The following AHR variants were observed in gnomAD, a reference collection of about 807,000 sequenced individuals.
AHR encodes the protein AH-receptor.
In AHR, 40 loss-of-function variants were observed where a neutral mutation model predicts 86.8. That is an observed-to-expected ratio of 0.46 (90% CI 0.36 to 0.60). AHR has a LOEUF of 0.60. Ranked by LOEUF, AHR falls within the 20% of genes least tolerant of loss-of-function variation. The probability of loss-of-function intolerance (pLI) is 0.00; values close to 1 mark genes in which losing one functional copy is unlikely to be tolerated. For missense variants in AHR, 1,001 were observed against 1,011.6 expected (o/e 0.99, Z 0.14); for synonymous variants, 398 against 354.9 (o/e 1.12, Z -1.37).
intron 2 of AHR, among the ~76,000 whole-genome samples, chr7:17,313,365 A>G (rs1584032298): frequency 1.3e-5 from 2 of 152,198 alleles, no homozygotes; most frequent in South Asian, 4.1e-4. Flanking sequence ...GGGAAGCTCA[A>G]AGTGAATAAC....
intron 1 of AHR, among the ~76,000 whole-genome samples, chr7:17,301,842 A>G: frequency 6.6e-6 from 1 of 151,972 alleles, no homozygotes; most frequent in East Asian, 1.9e-4. Flanking sequence ...CTCTGAAGCA[A>G]CTTTACGTCC....
rs1390838007 is a variant in AHR, at chr7:17,339,242, T to C, written c.1417T>C (p.Ser473Pro). ...QDESIYLYPASSTSSTAPFEN... is the reference protein window; with the variant it reads ...QDESIYLYPAPSTSSTAPFEN... The stretch of plus-strand genomic sequence containing the variant: ...TGAGTCTATTTATCTCTATCCTGCT[T>C]CAAGTACTTCAAGTACTGCACCTTT... Residue 473 changes from serine to proline, a missense_variant, in exon 10 of 11, where the codon TCA becomes CCA. Physicochemically the swap from Ser to Pro is moderately conservative, Grantham distance 74. This residue lies in a region of AHR where 607 missense variants were observed against 543.1 expected (regional missense o/e 1.12). Coordinates refer to ENST00000242057, the MANE Select transcript of AHR (RefSeq NM_001621.5). The C allele has an allele frequency of 6.2e-7, 1 of 1,614,186 alleles. No homozygotes were observed. Among genetic ancestry groups the C allele is most frequent in the Non-Finnish European group, 8.5e-7 (1 of 1,180,018 alleles).
intron 2 of AHR, among the ~76,000 whole-genome samples, chr7:17,310,536 C>CTT (rs1231748729): frequency 2.1e-5 from 3 of 141,198 alleles, no homozygotes; most frequent in Admixed American, 7.1e-5. Context: ...TATTTCTAAT[C>CTT]TTTTTTTTTT....
chr7:17,335,342 G>C (rs1044343096), intron 8 of AHR, among the ~76,000 whole-genome samples: 1 of 151,968 alleles, frequency 6.6e-6, no homozygotes, highest in African/African-American at 2.4e-5. Context: ...GTATTAGGCT[G>C]TAGGAAAATA....
At chr7:17,301,325 A>G (rs764667857) in intron 1 of AHR, among the ~76,000 whole-genome samples, 9 of 152,070 alleles carry the variant, frequency 5.9e-5, no homozygotes, top group Non-Finnish European at 1.2e-4. Flanking sequence ...AGTTTATTTT[A>G]GAAATGAAGT....
At chr7:17,323,321 A>G (rs1782193872) in intron 3 of AHR, among the ~76,000 whole-genome samples, 3 of 152,116 alleles carry the variant, frequency 2.0e-5, no homozygotes, top group African/African-American at 4.8e-5. Context: ...TTTTGCCAAT[A>G]TGTTATAACT....
intron 1 of AHR, among the ~76,000 whole-genome samples, chr7:17,307,824 A>G (rs572671672): frequency 1.5e-4 from 23 of 152,094 alleles, no homozygotes; most frequent in Non-Finnish European, 2.5e-4. Flanking sequence ...ATCTCAGCTC[A>G]ACACTTAAGA....
In AHR at chr7:17,343,239, A is replaced by G. The variant is rs900786456; in HGVS notation, c.*175A>G. 1.4e-6 allele frequency: 1 copy of G among 739,366 alleles called. No individual in the cohort carries two copies. The highest frequency in any genetic ancestry group is 1.8e-5 in the African/African-American group (1 of 56,230). 45.8% of individuals were successfully genotyped at this position (739,366 alleles called of 1,614,324 possible). On this transcript the variant is annotated 3_prime_UTR_variant, in exon 11 of 11. Coordinates refer to ENST00000242057, the MANE Select transcript of AHR (RefSeq NM_001621.5). ...TTTGCTTTTAGAAAAGGGAGTTTAA[A>G]AATGGTATCAAAATTACATATACTA...
chr7:17,325,206 A>G (rs997088012), intron 3 of AHR, among the ~76,000 whole-genome samples: 4 of 152,196 alleles, frequency 2.6e-5, no homozygotes, highest in African/African-American at 9.7e-5. Context: ...GGTACTTGAG[A>G]TCATTTGAGA....
In AHR at chr7:17,341,285, C is replaced by G. The variant is rs181769295; in HGVS notation, c.2403+1057C>G. Among the ~76,000 whole-genome samples, 3 of 152,174 alleles carry G rather than the reference C, an allele frequency of 2.0e-5. No homozygotes were observed. The East Asian group carries it at 5.8e-4, about 29-fold the overall frequency. On this transcript the variant is annotated intron_variant, in intron 10 of 10. Transcript: ENST00000242057. Reference sequence around the variant, plus strand: ...ATAGAAAAGGACAGTGAAAATTTTTCTTATTCCTTACATCCTTCAATTATA... The same window carrying G: ...ATAGAAAAGGACAGTGAAAATTTTTGTTATTCCTTACATCCTTCAATTATA...
chr7:17,330,035 A>G lies in AHR; in HGVS notation c.534A>G (p.Leu178=). 1 of 1,611,472 alleles carries G rather than the reference A, an allele frequency of 6.2e-7. No individual in the cohort carries two copies. Among genetic ancestry groups the G allele is most frequent in the Non-Finnish European group, 8.5e-7 (1 of 1,178,066 alleles). ...AEFQRQLHWA[L]NPSQCTESGQ... is the part of the protein sequence containing the mutation. ...TTCAGCGTCAGCTACACTGGGCATTAAATCCTTCTCAGTGTACAGAGTCTG... is the reference window on the plus strand; with the variant it reads ...TTCAGCGTCAGCTACACTGGGCATTGAATCCTTCTCAGTGTACAGAGTCTG... Residue 178 remains leucine (L), a synonymous_variant, in exon 5 of 11, where the codon TTA becomes TTG. Coordinates refer to ENST00000242057, the MANE Select transcript of AHR (RefSeq NM_001621.5).
chr7:17,311,033 G>A (rs1782059050), intron 2 of AHR, among the ~76,000 whole-genome samples: 1 of 152,054 alleles, frequency 6.6e-6, no homozygotes, highest in South Asian at 2.1e-4. Context: ...TAAAGGTTGG[G>A]GTTTTGAGCT....
At position 17,339,323 on chromosome 7, in the gene AHR, A is replaced by G. The variant is rs1344817157; in HGVS notation, c.1498A>G (p.Thr500Ala). The G allele has an allele frequency of 1.2e-6, 2 of 1,614,216 alleles. No individual in the cohort carries two copies. Among genetic ancestry groups the G allele is most frequent in the South Asian group, 2.2e-5 (2 of 91,080 alleles). The change falls in exon 10 of 11, where the codon ACT becomes GCT. Residue 500 changes from threonine to alanine, a missense_variant. Coordinates refer to ENST00000242057, the MANE Select transcript of AHR (RefSeq NM_001621.5). Reference sequence around the variant, plus strand: ...TGAATGCAGAAATTGGCAAGATAATACTGCACCGATGGGAAATGATACTAT... The same window carrying G: ...TGAATGCAGAAATTGGCAAGATAATGCTGCACCGATGGGAAATGATACTAT... ...MNECRNWQDNTAPMGNDTILK... is the reference protein window; with the variant it reads ...MNECRNWQDNAAPMGNDTILK...
rs1223051185 is a variant in AHR at position 17,298,680 on chromosome 7, G to T, written c.-585G>T. The T allele has an allele frequency of 2.5e-6, 1 of 395,742 alleles. No individual in the cohort carries two copies. Among genetic ancestry groups the T allele is most frequent in the Admixed American group, 4.4e-5 (1 of 22,646 alleles). 24.5% of individuals were successfully genotyped at this position (395,742 alleles called of 1,614,324 possible). A position where few individuals can be genotyped will look rare whatever the true frequency, so the allele number is the denominator to read the frequency against. On this transcript the variant is annotated 5_prime_UTR_variant, in exon 1 of 11. Coordinates refer to ENST00000242057, the MANE Select transcript of AHR (RefSeq NM_001621.5). ...GGCTGGGGAGTCCCGTCGACGCTCTGTTCCGAGAGCGTGCCCCGGACCGCC... is the reference window on the plus strand; with the variant it reads ...GGCTGGGGAGTCCCGTCGACGCTCTTTTCCGAGAGCGTGCCCCGGACCGCC...
chr7:17,308,662 C>T (rs982179650), intron 1 of AHR, among the ~76,000 whole-genome samples: 7 of 151,886 alleles, frequency 4.6e-5, no homozygotes, highest in African/African-American at 1.7e-4. Flanking sequence ...CACAGTTGTA[C>T]AGACAACCTG....
In AHR at chr7:17,299,104, G is replaced by A. The variant is rs974461063; in HGVS notation, c.-161G>A. 2 of 707,320 alleles carry A rather than the reference G, an allele frequency of 2.8e-6. No homozygotes were observed. The highest frequency in any genetic ancestry group is 3.8e-5 in the African/African-American group (2 of 52,350). The allele number at this position is 707,320 out of a possible 1,614,324, so 43.8% of individuals were successfully genotyped here. ...GGAAGCCTGCGTGAGCCGAGGCGTT[G>A]AGGCGCGGCGCCCACGCCACTGTCC... On this transcript the variant is annotated 5_prime_UTR_variant, in exon 1 of 11. Transcript: ENST00000242057.
At chr7:17,320,537 A>G (rs1782157756) in intron 2 of AHR, among the ~76,000 whole-genome samples, 1 of 152,060 alleles carries the variant, frequency 6.6e-6, no homozygotes, top group Non-Finnish European at 1.5e-5. Flanking sequence ...TTATTTCATA[A>G]TGTAAGGGTT....
intron 2 of AHR, among the ~76,000 whole-genome samples, chr7:17,312,112 C>T (rs987508895): frequency 6.6e-6 from 1 of 152,218 alleles, no homozygotes; most frequent in African/African-American, 2.4e-5. Flanking sequence ...ATTGTAACTT[C>T]AGGCCTCCTC....
chr7:17,340,291 A>T, intron 10 of AHR, 63 bp downstream of exon 10: 1 of 1,502,374 alleles, frequency 6.7e-7, no homozygotes, highest in Non-Finnish European at 8.9e-7. Context: ...TAGACATGTT[A>T]CACATTTTTT....
Sources: allele counts gnomAD v4.1 joint callset (sites outside exome capture counted in the v4.1 genomes callset), GRCh38; gene constraint gnomAD v4.1.1; regional missense constraint gnomAD v4.1.1; transcripts MANE v1.5; gene names NCBI Gene and HGNC (gene_info 2026-07-23, HGNC 2026-07-21).